The following CD86 variants were observed in gnomAD, a reference collection of about 807,000 sequenced individuals.
The protein encoded by CD86 is CD86 molecule.
A neutral mutation model predicts 32.1 loss-of-function variants in CD86; 11 were observed. The observed-to-expected ratio is 0.34, with a 90% confidence interval of 0.22 to 0.57. CD86 has a LOEUF of 0.57. CD86 is among the 20% of genes least tolerant of loss of function. The pLI is 0.86. For synonymous variants in CD86, 137 were observed against 135.3 expected (o/e 1.01, Z -0.09); for missense variants, 359 against 398.4 (o/e 0.90, Z 0.84).
intron 1 of CD86, among the ~76,000 whole-genome samples, chr3:122,063,591 G>C (rs942727937): frequency 1.6e-5 from 2 of 128,164 alleles, no homozygotes; most frequent in Non-Finnish European, 3.4e-5. Context: ...TACATAGAAA[G>C]ATTTTTTTTT....
intron 6 of CD86, among the ~76,000 whole-genome samples, chr3:122,119,101 G>A (rs2073302293): frequency 6.6e-6 from 1 of 151,986 alleles, no homozygotes; most frequent in South Asian, 2.1e-4. Flanking sequence ...AATAATTCCG[G>A]GCACCCTTGG....
At chr3:122,100,571 A>G (rs1270448667) in intron 2 of CD86, among the ~76,000 whole-genome samples, 1 of 152,190 alleles carries the variant, frequency 6.6e-6, no homozygotes, top group African/African-American at 2.4e-5. Context: ...AACATATAAG[A>G]TATGCATTTG....
chr3:122,099,286 C>T (rs551053634), intron 2 of CD86, among the ~76,000 whole-genome samples: 1 of 150,734 alleles, frequency 6.6e-6, no homozygotes, highest in South Asian at 2.1e-4. Flanking sequence ...CAAGCCTTGG[C>T]CATGGTGTGA....
intron 5 of CD86, among the ~76,000 whole-genome samples, chr3:122,116,989 T>C (rs186091744): frequency 6.6e-6 from 1 of 152,312 alleles, no homozygotes; most frequent in Non-Finnish European, 1.5e-5. Flanking sequence ...ATCACCAAAC[T>C]CTAAACTGAA....
At position 122,109,295 on chromosome 3, in the gene CD86, A is replaced by G. The variant is rs1410462982; in HGVS notation, c.734A>G (p.His245Arg). The change falls in exon 5 of 7, where the codon CAC becomes CGC. Residue 245 changes from histidine (H) to arginine (R), a missense_variant. Coordinates refer to ENST00000330540, the MANE Select transcript of CD86 (RefSeq NM_175862.5). Reference sequence around the variant, plus strand: ...GAGGACCCTCAGCCTCCCCCAGACCACATTCCTTGGATTACAGCTGTACTT... The same window carrying G: ...GAGGACCCTCAGCCTCCCCCAGACCGCATTCCTTGGATTACAGCTGTACTT... ...ELEDPQPPPD[H>R]IPWITAVLPT... is the part of the protein sequence containing the mutation. The G allele has an allele frequency of 1.9e-6, 3 of 1,613,988 alleles. No homozygotes were observed. The highest frequency in any genetic ancestry group is 2.5e-6 in the Non-Finnish European group (3 of 1,179,974).
chr3:122,091,947 G>A (rs970073064), intron 2 of CD86: 1 of 329,244 alleles, frequency 3.0e-6, no homozygotes, highest in Non-Finnish European at 5.7e-6. Context: ...CCATGGGGAT[G>A]GGGGAAGGCT....
chr3:122,104,130 C>A (rs1180682108), intron 3 of CD86, among the ~76,000 whole-genome samples: 1 of 152,142 alleles, frequency 6.6e-6, no homozygotes, highest in African/African-American at 2.4e-5. Flanking sequence ...GATAATATGG[C>A]TAATTACCTA....
At chr3:122,087,267 A>G (rs1186937634) in intron 1 of CD86, among the ~76,000 whole-genome samples, 2 of 152,168 alleles carry the variant, frequency 1.3e-5, no homozygotes, top group Non-Finnish European at 2.9e-5. Flanking sequence ...CTTAGCTGAC[A>G]GAAATCTCCT....
intron 6 of CD86, 140 bp downstream of exon 6, chr3:122,118,233 T>A: frequency 1.4e-6 from 1 of 694,616 alleles, no homozygotes; most frequent in Non-Finnish European, 2.6e-6. Context: ...ATAAAACTAG[T>A]TAAGAACTGG....
At chr3:122,071,306 C>T (rs553394856) in intron 1 of CD86, among the ~76,000 whole-genome samples, 4 of 152,148 alleles carry the variant, frequency 2.6e-5, no homozygotes, top group African/African-American at 4.8e-5. Flanking sequence ...TCCCCAACCC[C>T]TGGAAACCAC....
Position 122,103,636 on chromosome 3 carries a change from G to A in CD86, c.189G>A (p.Leu63=). Residue 63 remains leucine (L), a synonymous_variant, in exon 3 of 7, where the codon TTG becomes TTA. Coordinates refer to ENST00000330540, the MANE Select transcript of CD86 (RefSeq NM_175862.5). ...LVVFWQDQEN[L]VLNEVYLGKE... ...TATTTTGGCAGGACCAGGAAAACTT[G>A]GTTCTGAATGAGGTATACTTAGGCA... 1 of 1,613,990 alleles carries A rather than the reference G, an allele frequency of 6.2e-7. No homozygotes were observed. Among genetic ancestry groups the A allele is most frequent in the Non-Finnish European group, 8.5e-7 (1 of 1,179,918 alleles).
chr3:122,067,509 A>G (rs2072431932), intron 1 of CD86, among the ~76,000 whole-genome samples: 1 of 152,252 alleles, frequency 6.6e-6, no homozygotes, highest in African/African-American at 2.4e-5. Flanking sequence ...GACCAAAACA[A>G]AAACACAGAA....
intron 1 of CD86, among the ~76,000 whole-genome samples, chr3:122,089,282 A>T (rs1017354947): frequency 3.3e-5 from 5 of 152,234 alleles, no homozygotes; most frequent in African/African-American, 1.2e-4. Context: ...AATGTATTTC[A>T]TACCACTGTA....
At chr3:122,079,155 T>C (rs1339037035) in intron 1 of CD86, among the ~76,000 whole-genome samples, 2 of 152,234 alleles carry the variant, frequency 1.3e-5, no homozygotes, top group Non-Finnish European at 2.9e-5. Flanking sequence ...CATGACTACA[T>C]AGCAATAGTG....
chr3:122,107,196 T>G (rs1020435908), intron 4 of CD86, among the ~76,000 whole-genome samples: 2 of 152,118 alleles, frequency 1.3e-5, no homozygotes, highest in African/African-American at 4.8e-5. Flanking sequence ...CCTTGTAACA[T>G]GTAAAATAAA....
intron 1 of CD86, among the ~76,000 whole-genome samples, chr3:122,080,152 C>T (rs910293420): frequency 3.9e-5 from 6 of 152,090 alleles, no homozygotes; most frequent in African/African-American, 1.4e-4. Flanking sequence ...AATCAGGCTA[C>T]CTTAGGGGAC....
chr3:122,068,312 A>T (rs1430174637), intron 1 of CD86, among the ~76,000 whole-genome samples: 2 of 152,094 alleles, frequency 1.3e-5, no homozygotes, highest in Non-Finnish European at 2.9e-5. Context: ...AAAATGTGTT[A>T]GTTTTGTTAT....
intron 2 of CD86, among the ~76,000 whole-genome samples, chr3:122,096,776 T>C (rs1172595808): frequency 1.3e-5 from 2 of 152,220 alleles, no homozygotes; most frequent in African/African-American, 2.4e-5. Context: ...ATGCTATTAG[T>C]TATAATAGTG....
At chr3:122,091,708 A>G in intron 2 of CD86, 58 bp downstream of exon 2, 1 of 1,402,498 alleles carries the variant, frequency 7.1e-7, no homozygotes, top group South Asian at 1.2e-5. Context: ...GATGAGTCTG[A>G]CCACAGCAAG....
Sources: gnomAD v4.1 joint callset for allele counts (sites outside exome capture counted in the v4.1 genomes callset) on GRCh38, gnomAD v4.1.1 for gene constraint, MANE v1.5 for transcripts, NCBI Gene and HGNC (gene_info 2026-07-23, HGNC 2026-07-21) for gene names.